IMPG2: variants seen among roughly 807,000 people sequenced by gnomAD.
IMPG2 encodes IPM 200.
A neutral mutation model predicts 129.2 loss-of-function variants in IMPG2; 91 were observed. The ratio of observed to expected loss-of-function variants is 0.70; its 90% CI spans 0.59 to 0.84. IMPG2 has a LOEUF of 0.84. IMPG2 is among the 40% of genes least tolerant of loss of function. The pLI, the probability that IMPG2 is intolerant of heterozygous loss-of-function variation, is 0.00. For synonymous variants in IMPG2, 510 were observed against 517.7 expected, an observed-to-expected ratio of 0.99 and a Z score of 0.20; for missense variants, 1,430 against 1,461.7, an observed-to-expected ratio of 0.98 and a Z score of 0.35.
At chr3:101,309,073 G>C (rs505037) in intron 2 of IMPG2, among the ~76,000 whole-genome samples, 109,367 of 152,082 alleles carry the variant, frequency 0.72, 40,456 homozygotes, top group East Asian at 0.84. Context: ...TCATCTCCAT[G>C]TGAGACCTCC....
chr3:101,238,074 A>G (rs920647012), intron 14 of IMPG2, among the ~76,000 whole-genome samples: 14 of 152,044 alleles, frequency 9.2e-5, no homozygotes, highest in African/African-American at 3.1e-4. Flanking sequence ...TTTGTGAAGC[A>G]TACACAAGTA....
intron 3 of IMPG2, among the ~76,000 whole-genome samples, chr3:101,300,144 A>ACT (rs1707124434): frequency 6.6e-6 from 1 of 152,208 alleles, no homozygotes; most frequent in Non-Finnish European, 1.5e-5. Context: ...GTGAGCAGGG[A>ACT]CATGTCAAGG....
chr3:101,299,929 T>C (rs908646614), intron 3 of IMPG2, among the ~76,000 whole-genome samples: 1 of 152,164 alleles, frequency 6.6e-6, no homozygotes, highest in Non-Finnish European at 1.5e-5. Context: ...TGCCCCTTGG[T>C]GGAGGGGGTG....
At chr3:101,318,022 G>A (rs2058793896) in intron 2 of IMPG2, among the ~76,000 whole-genome samples, 1 of 151,794 alleles carries the variant, frequency 6.6e-6, no homozygotes, top group African/African-American at 2.4e-5. Context: ...TGTAATCCCA[G>A]CTACTTGGGA....
In IMPG2 at chr3:101,228,822, C is replaced by A. The variant is rs191865207; in HGVS notation, c.3688G>T (p.Ala1230Ser). The change falls in exon 18 of 19, where the codon GCA becomes TCA. Residue 1230 changes from alanine to serine, a missense_variant. Physicochemically the swap from Ala to Ser is moderately conservative, Grantham distance 99. Transcript: ENST00000193391. ...ACTTGTTGCTCTCTCACAAAAGCTG[C>A]AAACTCAGGATCATTGGCATACAGT... ...LELYANDPEFAAFVREQQVEE... is the reference protein window; with the variant it reads ...LELYANDPEFSAFVREQQVEE... The A allele has an allele frequency of 9.3e-5, 150 of 1,613,968 alleles. No homozygotes were observed. Among genetic ancestry groups the A allele is most frequent in the Admixed American group, 2.0e-4 (12 of 60,006 alleles).
chr3:101,283,870 C>T (rs899291335), intron 4 of IMPG2, among the ~76,000 whole-genome samples: 12 of 147,736 alleles, frequency 8.1e-5, no homozygotes, highest in Admixed American at 2.8e-4. Context: ...CCTTAGCTGA[C>T]GAATATATAG....
At chr3:101,229,320 GC>G in intron 17 of IMPG2, 59 bp downstream of exon 17, 1 of 519,338 alleles carries the variant, frequency 1.9e-6, no homozygotes, top group Non-Finnish European at 3.0e-6. Flanking sequence ...ACCACCCCCT[GC>G]TCCCCCACAC....
intron 17 of IMPG2, 74 bp downstream of exon 17, chr3:101,229,306 A>ACCCCCCCCCC: frequency 1.1e-5 from 4 of 362,586 alleles, no homozygotes; most frequent in Admixed American, 9.7e-5. Flanking sequence ...ACACACCCCC[A>ACCCCCCCCCC]CCCACCACCC....
In IMPG2 at chr3:101,304,128, C is replaced by G; in HGVS notation, c.501+18G>C. 6.2e-7 allele frequency: 1 copy of G among 1,613,310 alleles called. No homozygotes were observed. Among genetic ancestry groups the G allele is most frequent in the East Asian group, 2.2e-5 (1 of 44,874 alleles). On this transcript the variant is annotated intron_variant, in intron 3 of 18. Transcript: ENST00000193391. ...CCTACAATAGTCCAGGAATCCCTTC[C>G]TTTGTTGTGACACTTACCTTCATGA...
chr3:101,302,469 T>C (rs1391047359), intron 3 of IMPG2, among the ~76,000 whole-genome samples: 2 of 152,180 alleles, frequency 1.3e-5, no homozygotes, highest in African/African-American at 2.4e-5. Flanking sequence ...TTGGTAATGA[T>C]TGAGAAAGGA....
intron 2 of IMPG2, among the ~76,000 whole-genome samples, chr3:101,318,066 G>T (rs2058793988): frequency 6.6e-6 from 1 of 151,428 alleles, no homozygotes; most frequent in Non-Finnish European, 1.5e-5. Context: ...AACCCAGGAG[G>T]TGGAGGGTGC....
intron 2 of IMPG2, among the ~76,000 whole-genome samples, chr3:101,317,008 A>C (rs892627956): frequency 1.3e-5 from 2 of 152,024 alleles, no homozygotes; most frequent in East Asian, 1.9e-4. Flanking sequence ...TATATATAAA[A>C]GTATAGAAAA....
At chr3:101,314,933 C>A (rs2058776141) in intron 2 of IMPG2, among the ~76,000 whole-genome samples, 1 of 152,060 alleles carries the variant, frequency 6.6e-6, no homozygotes, top group Non-Finnish European at 1.5e-5. Flanking sequence ...GTAGCAAATT[C>A]CACACCTGAC....
chr3:101,244,747 A>G lies in IMPG2; in HGVS notation c.1584T>C (p.Ile528=), dbSNP rs753887227. The G allele has an allele frequency of 1.2e-6, 2 of 1,613,936 alleles. No individual in the cohort carries two copies. The highest frequency in any genetic ancestry group is 2.7e-5 in the African/African-American group (2 of 74,918). Residue 528 remains isoleucine (I), a synonymous_variant, in exon 13 of 19, where the codon ATT becomes ATC. Coordinates refer to ENST00000193391, the MANE Select transcript of IMPG2 (RefSeq NM_016247.4). ...NVEESEDFLS[I]DSLPSSSFTQ... The stretch of plus-strand genomic sequence containing the variant: ...TGAATGAACTTGAAGGCAATGAATC[A>G]ATAGAAAGAAAATCTTCTGACTCTT...
chr3:101,277,108 A>C, intron 4 of IMPG2, among the ~76,000 whole-genome samples: 1 of 152,204 alleles, frequency 6.6e-6, no homozygotes, highest in East Asian at 1.9e-4. Flanking sequence ...AAATTAAACC[A>C]AGTTAAAAAC....
At chr3:101,236,628 G>T (rs539424213) in intron 14 of IMPG2, among the ~76,000 whole-genome samples, 154 of 152,260 alleles carry the variant, frequency 1.0e-3, no homozygotes, top group Non-Finnish European at 1.6e-3. Flanking sequence ...GCCAAGGGAA[G>T]CCATGAGGGA....
Position 101,224,575 on chromosome 3 carries a change from A to G in IMPG2, c.*2394T>C, listed in dbSNP as rs1037964110. ...CCTTCGAGGAAGGTCTTTTAGAAAG[A>G]AGCTCTTTAGGGGTAGTTTTTTCCA... On this transcript the variant is annotated 3_prime_UTR_variant, in exon 19 of 19. Coordinates refer to ENST00000193391, the MANE Select transcript of IMPG2 (RefSeq NM_016247.4). The G allele has an allele frequency of 6.6e-6, 1 of 152,230 alleles. No individual in the cohort carries two copies. The highest frequency in any genetic ancestry group is 2.4e-5 in the African/African-American group (1 of 41,464). 9.4% of individuals were successfully genotyped at this position (152,230 alleles called of 1,614,324 possible).
chr3:101,270,897 A>G (rs1383698310), intron 7 of IMPG2, among the ~76,000 whole-genome samples: 2 of 152,216 alleles, frequency 1.3e-5, no homozygotes, highest in African/African-American at 4.8e-5. Context: ...CAGATGGGTC[A>G]TGATGGGGCC....
chr3:101,237,263 T>A (rs1233242348), intron 14 of IMPG2, among the ~76,000 whole-genome samples: 2 of 152,084 alleles, frequency 1.3e-5, no homozygotes, highest in African/African-American at 4.8e-5. Context: ...ACAGAGTACC[T>A]GGGGGAAGGG....
Sources: allele counts gnomAD v4.1 joint callset (sites outside exome capture counted in the v4.1 genomes callset), GRCh38; gene constraint gnomAD v4.1.1; transcripts MANE v1.5; gene names NCBI Gene and HGNC (gene_info 2026-07-23, HGNC 2026-07-21).